Variants in ARHGAP17 observed in about 807,000 individuals in gnomAD.
ARHGAP17 encodes rho GTPase-activating protein 17.
A neutral mutation model predicts 99.5 loss-of-function variants in ARHGAP17; 57 were observed. That is an observed-to-expected ratio of 0.57 (90% CI 0.46 to 0.71). ARHGAP17 has a LOEUF of 0.71. ARHGAP17 is among the 30% of genes least tolerant of loss of function. ARHGAP17 has a pLI of 0.00. For missense variants in ARHGAP17, 1,000 were observed against 1,122.4 expected (o/e 0.89, Z 1.56); for synonymous variants, 417 against 429.6 (o/e 0.97, Z 0.36).
At position 24,969,403 on chromosome 16, in the gene ARHGAP17, G is replaced by A. The variant is rs117413862; in HGVS notation, c.273-631C>T. On this transcript the variant is annotated intron_variant, in intron 4 of 19. Coordinates refer to ENST00000289968, the MANE Select transcript of ARHGAP17 (RefSeq NM_001006634.3). ...AAATGCACGTTGCCTGGTGTGAGGTGGCCATGGTGTCATAGTCAGGAACAT... is the reference window on the plus strand; with the variant it reads ...AAATGCACGTTGCCTGGTGTGAGGTAGCCATGGTGTCATAGTCAGGAACAT... Among the ~76,000 whole-genome samples, 1,011 of 152,186 alleles carry A rather than the reference G, an allele frequency of 6.6e-3. 30 individuals carry two copies. The East Asian group carries it at 0.086, about 13-fold the overall frequency.
At chr16:24,937,671 T>C (rs895594928) in intron 17 of ARHGAP17, among the ~76,000 whole-genome samples, 5 of 152,166 alleles carry the variant, frequency 3.3e-5, no homozygotes, top group African/African-American at 1.2e-4. Flanking sequence ...AAAATGGAAT[T>C]CAGGAATGCA....
chr16:24,981,636 G>C (rs1453083503), intron 1 of ARHGAP17, among the ~76,000 whole-genome samples: 1 of 152,312 alleles, frequency 6.6e-6, no homozygotes, highest in Non-Finnish European at 1.5e-5. Context: ...AAATCTCAGA[G>C]AGTAGGGAGT....
At chr16:24,935,750 G>T in intron 17 of ARHGAP17, 111 bp from the exon 18 acceptor site, 2 of 1,185,168 alleles carry the variant, frequency 1.7e-6, no homozygotes, top group East Asian at 2.4e-5. Flanking sequence ...CGGCAGGCAG[G>T]AAAAGGATCT....
chr16:24,997,778 AC>A (rs1225407828), intron 1 of ARHGAP17, among the ~76,000 whole-genome samples: 2 of 152,156 alleles, frequency 1.3e-5, no homozygotes, highest in African/African-American at 4.8e-5. Context: ...GTTTTTCCTC[AC>A]CAAAAGAGAA....
chr16:24,963,442 A>G (rs2052074437), intron 7 of ARHGAP17, among the ~76,000 whole-genome samples: 2 of 152,208 alleles, frequency 1.3e-5, no homozygotes, highest in Non-Finnish European at 2.9e-5. Context: ...TAACAGTCTT[A>G]ATATTAGCAG....
intron 19 of ARHGAP17, 110 bp from the exon 20 acceptor site, chr16:24,920,370 G>A (rs55808472): frequency 0.063 from 86,884 of 1,375,284 alleles, 3,128 homozygotes; most frequent in Middle Eastern, 0.12. Context: ...GTCAGCCCAT[G>A]CACACAGGGT....
chr16:24,954,123 G>C (rs2051731616), intron 10 of ARHGAP17, among the ~76,000 whole-genome samples: 2 of 151,966 alleles, frequency 1.3e-5, no homozygotes, highest in South Asian at 4.2e-4. Flanking sequence ...ATTTATACAA[G>C]AAGAGTAATA....
chr16:24,978,702 C>T (rs75661169), intron 2 of ARHGAP17, among the ~76,000 whole-genome samples: 295 of 152,200 alleles, frequency 1.9e-3, no homozygotes, highest in Non-Finnish European at 3.3e-3. Flanking sequence ...GAAACTGAGG[C>T]GCAGGGAAGT....
intron 7 of ARHGAP17, among the ~76,000 whole-genome samples, chr16:24,960,756 G>A (rs1162328635): frequency 6.7e-5 from 10 of 150,224 alleles, no homozygotes; most frequent in Admixed American, 1.3e-4. Flanking sequence ...GGCAGAGCTT[G>A]CAGTGAGCCA....
chr16:24,954,746 G>T lies in ARHGAP17; in HGVS notation c.725-16C>A. The T allele has an allele frequency of 6.2e-7, 1 of 1,612,924 alleles. No homozygotes were observed. The highest frequency in any genetic ancestry group is 8.5e-7 in the Non-Finnish European group (1 of 1,179,464). ...GCCCACTTATCTAGAGCAGCAAATT[G>T]TTCAGTTAGACACCCAACAAACTCA... On this transcript the variant is annotated splice_polypyrimidine_tract_variant and intron_variant, in intron 9 of 19. Coordinates refer to ENST00000289968, the MANE Select transcript of ARHGAP17 (RefSeq NM_001006634.3).
intron 6 of ARHGAP17, among the ~76,000 whole-genome samples, chr16:24,967,249 T>C (rs777763325): frequency 1.3e-5 from 2 of 152,234 alleles, no homozygotes; most frequent in Non-Finnish European, 2.9e-5. Context: ...TTTGTACACA[T>C]TGTAAATAAA....
chr16:24,949,837 C>G (rs1348502727), intron 12 of ARHGAP17, among the ~76,000 whole-genome samples: 1 of 152,084 alleles, frequency 6.6e-6, no homozygotes, highest in Non-Finnish European at 1.5e-5. Flanking sequence ...TTTACAGAAC[C>G]CAAATTCTCC....
At chr16:24,957,756 G>C (rs911345695) in intron 9 of ARHGAP17, among the ~76,000 whole-genome samples, 3 of 152,196 alleles carry the variant, frequency 2.0e-5, no homozygotes, top group African/African-American at 7.2e-5. Context: ...GTGGCAGGCA[G>C]GAAGGGGTCA....
chr16:24,949,331 G>C, intron 13 of ARHGAP17, 73 bp downstream of exon 13: 1 of 1,226,570 alleles, frequency 8.2e-7, no homozygotes, highest in Non-Finnish European at 1.2e-6. Flanking sequence ...AAGTATGCCT[G>C]AATTAAATGA....
rs781105590 is a variant in ARHGAP17, at chr16:24,931,344, C to G, written c.1955G>C (p.Gly652Ala). 5.3e-6 allele frequency: 8 copies of G among 1,495,742 alleles called. No homozygotes were observed. Among genetic ancestry groups the G allele is most frequent in the African/African-American group, 1.4e-5 (1 of 70,470 alleles). 92.7% of individuals were successfully genotyped at this position (1,495,742 alleles called of 1,614,324 possible). Residue 652 changes from glycine (G) to alanine (A), a missense_variant, in exon 19 of 20, where the codon GGG becomes GCG. Physicochemically the swap from Gly to Ala is moderately conservative, Grantham distance 60 (BLOSUM62 0). Transcript: ENST00000289968. ...KPGNPPPGHPGGQSSSGTSQH... is the reference protein window; with the variant it reads ...KPGNPPPGHPAGQSSSGTSQH... ...AGATGTTCCTGAAGAACTCTGGCCC[C>G]CGGGGTGGCCAGGAGGTGGGTTGCC... is the stretch of plus-strand genomic sequence containing the variant.
At chr16:24,980,956 G>T (rs1376878429) in intron 1 of ARHGAP17, among the ~76,000 whole-genome samples, 1 of 152,176 alleles carries the variant, frequency 6.6e-6, no homozygotes, top group Non-Finnish European at 1.5e-5. Flanking sequence ...CAAAAAAAGA[G>T]ATTCAACCTG....
intron 17 of ARHGAP17, chr16:24,936,001 C>A (rs995534180): frequency 5.9e-6 from 2 of 339,840 alleles, no homozygotes; most frequent in Non-Finnish European, 1.1e-5. Flanking sequence ...TCCAACGACT[C>A]TGCCACTCCA....
chr16:24,970,716 T>A, intron 3 of ARHGAP17, 136 bp from the exon 4 acceptor site: 2 of 756,092 alleles, frequency 2.6e-6, no homozygotes, highest in Non-Finnish European at 4.5e-6. Context: ...TGGGTTCAGG[T>A]TCTGGTCTCA....
chr16:25,010,259 A>T (rs2053609633), intron 1 of ARHGAP17, among the ~76,000 whole-genome samples: 1 of 152,000 alleles, frequency 6.6e-6, no homozygotes, highest in Non-Finnish European at 1.5e-5. Context: ...TTTTTTGTAA[A>T]GACCGGGTTT....
Sources: gnomAD v4.1 joint callset for allele counts (sites outside exome capture counted in the v4.1 genomes callset) on GRCh38, gnomAD v4.1.1 for gene constraint, MANE v1.5 for transcripts, NCBI Gene and HGNC (gene_info 2026-07-23, HGNC 2026-07-21) for gene names.